UGP2: variants seen among roughly 807,000 people sequenced by gnomAD.
UGP2 encodes UTP--glucose-1-phosphate uridylyltransferase.
A neutral mutation model predicts 49.0 loss-of-function variants in UGP2; 40 were observed. The observed-to-expected ratio is 0.82, with a 90% CI of 0.63 to 1.06. The LOEUF is 1.06. Among genes scored for constraint, UGP2 ranks in the 50% least tolerant of loss-of-function variants. The probability of loss-of-function intolerance (pLI) is 0.00; values close to 1 mark genes in which losing one functional copy is unlikely to be tolerated. For synonymous variants in UGP2, 225 were observed against 213.0 expected, an observed-to-expected ratio of 1.06 and a Z score of -0.49; for missense variants, 460 against 603.5, an observed-to-expected ratio of 0.76 and a Z score of 2.49.
intron 8 of UGP2, chr2:63,888,796 C>T (rs2104369149): frequency 6.6e-6 from 1 of 152,360 alleles, no homozygotes; most frequent in Non-Finnish European, 1.5e-5. Flanking sequence ...TTTTTCCCCT[C>T]ATCAGCGTTA....
At chr2:63,883,106 C>G (rs964310130) in intron 4 of UGP2, 7 of 152,420 alleles carry the variant, frequency 4.6e-5, no homozygotes, top group African/African-American at 1.4e-4. Context: ...GGGCAGTGGC[C>G]TTATTTTTTC....
chr2:63,842,651 T>G (rs1384863787), intron 1 of UGP2: 30 of 1,408,480 alleles, frequency 2.1e-5, no homozygotes, highest in Non-Finnish European at 2.6e-5. Context: ...CGCTTCTACT[T>G]CGTTTGTGTG....
intron 1 of UGP2, chr2:63,842,427 C>T (rs1671628494): frequency 1.3e-6 from 2 of 1,564,636 alleles, no homozygotes; most frequent in South Asian, 1.1e-5. Flanking sequence ...GTTTTGCCTC[C>T]CTGAAATCAG....
At chr2:63,860,154 T>C (rs951265855) in intron 3 of UGP2, among the ~76,000 whole-genome samples, 3 of 152,142 alleles carry the variant, frequency 2.0e-5, no homozygotes, top group African/African-American at 7.2e-5. Flanking sequence ...ATGCAAATAA[T>C]ATTTTATATT....
At chr2:63,862,619 T>C (rs1669927235) in intron 3 of UGP2, among the ~76,000 whole-genome samples, 1 of 152,148 alleles carries the variant, frequency 6.6e-6, no homozygotes, top group Non-Finnish European at 1.5e-5. Flanking sequence ...ACTCCCGGTT[T>C]TATTGTTGGA....
intron 1 of UGP2, chr2:63,842,706 A>ATTACT (rs1290623408): frequency 9.5e-7 from 1 of 1,054,986 alleles, no homozygotes; most frequent in Non-Finnish European, 1.3e-6. Flanking sequence ...AACTGGGAGT[A>ATTACT]GCCCGAAGAA....
At chr2:63,844,682 C>G (rs1656738867) in intron 1 of UGP2, among the ~76,000 whole-genome samples, 1 of 152,140 alleles carries the variant, frequency 6.6e-6, no homozygotes, top group African/African-American at 2.4e-5. Flanking sequence ...CCACCTCAGC[C>G]CCCTGAGTAG....
At chr2:63,878,648 C>A (rs552090735) in intron 3 of UGP2, among the ~76,000 whole-genome samples, 1 of 152,230 alleles carries the variant, frequency 6.6e-6, no homozygotes, top group South Asian at 2.1e-4. Flanking sequence ...ATTTGTGTAG[C>A]CTCTCAGGCT....
chr2:63,844,171 T>A (rs1428897865), intron 1 of UGP2, among the ~76,000 whole-genome samples: 4 of 152,236 alleles, frequency 2.6e-5, no homozygotes, highest in Non-Finnish European at 4.4e-5. Context: ...TGTTTATCAT[T>A]GTTTAAATTT....
rs1317791777 is a variant in UGP2, at chr2:63,887,325, TTAAC to T, written c.1072-72_1072-69del. 7 of 1,541,526 alleles carry T rather than the reference TTAAC, an allele frequency of 4.5e-6. No individual in the cohort carries two copies. In the East Asian group the frequency reaches 1.1e-4, roughly 25 times the overall value. On this transcript the variant is annotated intron_variant, in intron 7 of 9. Coordinates refer to ENST00000337130, the MANE Select transcript of UGP2 (RefSeq NM_006759.4). Reference sequence around the variant, plus strand: ...GATCTCTGAAATCACTTCCCAAATATTAACTAACCTACATGGAACTAAGTTGTAG... The same window carrying T: ...GATCTCTGAAATCACTTCCCAAATATTAACCTACATGGAACTAAGTTGTAG...
chr2:63,868,872 G>T (rs1670358367), intron 3 of UGP2, among the ~76,000 whole-genome samples: 1 of 151,930 alleles, frequency 6.6e-6, no homozygotes, highest in Non-Finnish European at 1.5e-5. Context: ...TACTTGGGAG[G>T]CTGAGGCAGG....
At chr2:63,879,052 T>G (rs58419731) in intron 3 of UGP2, among the ~76,000 whole-genome samples, 14,363 of 152,022 alleles carry the variant, frequency 0.094, 1,108 homozygotes, top group African/African-American at 0.22. Flanking sequence ...TGATGACTTA[T>G]GTCCTAAATC....
chr2:63,867,336 A>G (rs1458982134), intron 3 of UGP2, among the ~76,000 whole-genome samples: 1 of 152,222 alleles, frequency 6.6e-6, no homozygotes, highest in Non-Finnish European at 1.5e-5. Flanking sequence ...CTCCTTAACC[A>G]TGTAACATTG....
At chr2:63,881,380 T>G (rs2104349608) in intron 3 of UGP2, among the ~76,000 whole-genome samples, 1 of 139,736 alleles carries the variant, frequency 7.2e-6, no homozygotes, top group African/African-American at 2.8e-5. Context: ...CACACACACG[T>G]TCCTACGGTA....
intron 3 of UGP2, among the ~76,000 whole-genome samples, chr2:63,868,583 T>C (rs1383812285): frequency 6.6e-6 from 1 of 152,230 alleles, no homozygotes; most frequent in African/African-American, 2.4e-5. Context: ...CTGAATTTTC[T>C]AAGAATAAAT....
chr2:63,845,611 A>G (rs1671874088), intron 1 of UGP2, among the ~76,000 whole-genome samples: 1 of 151,908 alleles, frequency 6.6e-6, no homozygotes, highest in Non-Finnish European at 1.5e-5. Flanking sequence ...CAACTTGAGT[A>G]CAAGTTGGTG....
intron 3 of UGP2, among the ~76,000 whole-genome samples, chr2:63,864,295 C>T (rs6740299): frequency 0.093 from 14,224 of 152,148 alleles, 1,088 homozygotes; most frequent in African/African-American, 0.21. Flanking sequence ...CCCTGATGAA[C>T]CAGGTGTAGA....
intron 8 of UGP2, chr2:63,889,656 G>A (rs1345075244): frequency 6.5e-6 from 1 of 154,710 alleles, no homozygotes; most frequent in African/African-American, 2.4e-5. Context: ...ATAATAATTT[G>A]TGCTGTTGCT....
upstream of UGP2, chr2:63,840,997 G>A (rs972186789): frequency 3.3e-5 from 5 of 152,318 alleles, no homozygotes; most frequent in South Asian, 2.1e-4. Context: ...CGAATGGAGG[G>A]GGAGGGGAGG....
Sources: gnomAD v4.1 joint callset for allele counts (sites outside exome capture counted in the v4.1 genomes callset) on GRCh38, gnomAD v4.1.1 for gene constraint, MANE v1.5 for transcripts, NCBI Gene and HGNC (gene_info 2026-07-23, HGNC 2026-07-21) for gene names.